INSL6: variants seen among roughly 807,000 people sequenced by gnomAD.
INSL6 encodes the protein insulin like 6.
A neutral mutation model predicts 9.4 loss-of-function variants in INSL6; 16 were observed. That is an observed-to-expected ratio of 1.70 (90% CI 1.15 to 2.59). INSL6 has a LOEUF of 2.59. Ranked by LOEUF, INSL6 falls within the 30% of genes most tolerant of loss-of-function variation. INSL6 has a pLI of 0.00. For missense variants in INSL6, 391 were observed against 257.3 expected (o/e 1.52, Z -3.56); for synonymous variants, 154 against 96.9 (o/e 1.59, Z -3.46).
chr9:5,032,220 G>T, the INSL6 span, among the ~76,000 whole-genome samples: 3 of 152,240 alleles, frequency 2.0e-5, no homozygotes, highest in Non-Finnish European at 4.4e-5. Context: ...CGCCATTGCC[G>T]AGGGTTGAGT....
chr9:5,032,996 G>A, the INSL6 span, among the ~76,000 whole-genome samples: 1 of 152,016 alleles, frequency 6.6e-6, no homozygotes, highest in East Asian at 1.9e-4. Context: ...TAAAAACCTT[G>A]AAAAAAAATT....
At chr9:5,098,177 G>A in the INSL6 span, 1 of 152,146 alleles carries the variant, frequency 6.6e-6, no homozygotes, top group South Asian at 2.1e-4. Flanking sequence ...CACATTTGAA[G>A]AGCCAACCTA....
chr9:5,059,598 T>A, the INSL6 span, among the ~76,000 whole-genome samples: 1 of 152,138 alleles, frequency 6.6e-6, no homozygotes, highest in Non-Finnish European at 1.5e-5. Context: ...GATTATTGAG[T>A]CATAGTGATA....
intron 1 of INSL6, among the ~76,000 whole-genome samples, chr9:5,176,041 G>T (rs1825296806): frequency 6.6e-6 from 1 of 152,116 alleles, no homozygotes; most frequent in Admixed American, 6.5e-5. Flanking sequence ...GGGGATTACT[G>T]GCCTAAAATA....
At chr9:5,048,814 G>A in the INSL6 span, among the ~76,000 whole-genome samples, 93,985 of 152,092 alleles carry the variant, frequency 0.62, 31,209 homozygotes, top group African/African-American at 0.88. Context: ...ATTACATCAA[G>A]AGAAGAGAAA....
rs1371908724 is a variant in INSL6 at position 5,185,633 on chromosome 9, G to A, written c.-31C>T. The A allele has an allele frequency of 4.0e-5, 64 of 1,589,968 alleles. No individual in the cohort carries two copies. The highest frequency in any genetic ancestry group is 5.0e-5 in the Non-Finnish European group (59 of 1,169,904). The stretch of plus-strand genomic sequence containing the variant: ...TGACCCCAGGCTAGTCCTCCGCGTT[G>A]TGCAATGGCGGTCGGCCGGACCCTG... On this transcript the variant is annotated 5_prime_UTR_variant, in exon 1 of 2. Coordinates refer to ENST00000381641, the MANE Select transcript of INSL6 (RefSeq NM_007179.3).
At chr9:5,099,861 G>C in the INSL6 span, 3 of 152,078 alleles carry the variant, frequency 2.0e-5, no homozygotes, top group Non-Finnish European at 4.4e-5. Flanking sequence ...CAATAAACCT[G>C]GGTATAGCAA....
chr9:5,122,909 TG>T (rs975238637), downstream of INSL6: 41 of 749,480 alleles, frequency 5.5e-5, no homozygotes, highest in African/African-American at 5.5e-4. Context: ...TTTCTCTACA[TG>T]TTTTTTTTTT....
At chr9:5,075,279 A>G in the INSL6 span, among the ~76,000 whole-genome samples, 1 of 152,244 alleles carries the variant, frequency 6.6e-6, no homozygotes, top group Non-Finnish European at 1.5e-5. Flanking sequence ...GAAGATGGTG[A>G]CACTAACAAA....
chr9:5,078,611 A>G, the INSL6 span, among the ~76,000 whole-genome samples: 1 of 152,068 alleles, frequency 6.6e-6, no homozygotes, highest in African/African-American at 2.4e-5. Context: ...CTTAGTCTCT[A>G]TTTTTCTTTC....
the INSL6 span, among the ~76,000 whole-genome samples, chr9:5,060,831 T>G: frequency 2.0e-5 from 3 of 152,240 alleles, no homozygotes; most frequent in African/African-American, 7.2e-5. Flanking sequence ...CTCCATCAGA[T>G]GAATCACTAT....
chr9:5,049,129 G>C, the INSL6 span, among the ~76,000 whole-genome samples: 18 of 151,972 alleles, frequency 1.2e-4, no homozygotes, highest in Non-Finnish European at 1.9e-4. Flanking sequence ...TCTGTTTCCT[G>C]GATCAGATCC....
intron 1 of INSL6, among the ~76,000 whole-genome samples, chr9:5,170,772 CCCA>C (rs775410294): frequency 1.3e-5 from 2 of 152,110 alleles, no homozygotes; most frequent in African/African-American, 2.4e-5. Flanking sequence ...CACATACACC[CCCA>C]CAAGACTAAA....
the INSL6 span, among the ~76,000 whole-genome samples, chr9:5,056,147 C>T: frequency 6.6e-6 from 1 of 152,030 alleles, no homozygotes; most frequent in African/African-American, 2.4e-5. Context: ...GCCAGTTATA[C>T]TGCCTAATTA....
chr9:5,066,781 G>C, the INSL6 span: 1 of 1,520,852 alleles, frequency 6.6e-7, no homozygotes, highest in East Asian at 2.4e-5. Context: ...TTTGACTTTT[G>C]CTGTCGAGGT....
At chr9:5,168,364 GT>G in intron 1 of INSL6, among the ~76,000 whole-genome samples, 1 of 152,276 alleles carries the variant, frequency 6.6e-6, no homozygotes, top group Non-Finnish European at 1.5e-5. Flanking sequence ...AGAATAACCA[GT>G]TTAGAGAGGA....
At chr9:5,180,018 A>G (rs552263142) in intron 1 of INSL6, among the ~76,000 whole-genome samples, 22 of 152,332 alleles carry the variant, frequency 1.4e-4, no homozygotes, top group African/African-American at 5.3e-4. Flanking sequence ...AGCAAAAAAA[A>G]GAAGTCAATC....
the INSL6 span, chr9:5,054,988 T>A: frequency 1.2e-6 from 1 of 809,508 alleles, no homozygotes; most frequent in Non-Finnish European, 1.9e-6. The surrounding 1 kb of genome is among the most constrained non-coding windows in gnomAD (Gnocchi z 4.9). Context: ...ACTTCTCCCA[T>A]TTGATAGAAG....
At chr9:5,181,401 G>C (rs1055221980) in intron 1 of INSL6, among the ~76,000 whole-genome samples, 1 of 151,958 alleles carries the variant, frequency 6.6e-6, no homozygotes, top group Admixed American at 6.6e-5. Context: ...AAATTAGTGA[G>C]AAAAATAATT....
Sources: gnomAD v4.1 joint callset for allele counts (sites outside exome capture counted in the v4.1 genomes callset) on GRCh38, gnomAD v4.1.1 for gene constraint, Gnocchi (gnomAD v3.1) non-coding constraint, MANE v1.5 for transcripts, NCBI Gene and HGNC (gene_info 2026-07-23, HGNC 2026-07-21) for gene names.